The following HERC6 variants were observed in gnomAD, a reference collection of about 807,000 sequenced individuals.
The protein encoded by HERC6 is probable E3 ubiquitin-protein ligase HERC6.
A neutral mutation model predicts 114.5 loss-of-function variants in HERC6; 101 were observed. That is an observed-to-expected ratio of 0.88 (90% CI 0.75 to 1.04). HERC6 has a LOEUF of 1.04. Ranked by LOEUF, HERC6 falls within the 50% of genes least tolerant of loss-of-function variation. The pLI, the probability that HERC6 is intolerant of heterozygous loss-of-function variation, is 0.00. For missense variants in HERC6, 1,133 were observed against 1,230.9 expected, an observed-to-expected ratio of 0.92 and a Z score of 1.19; for synonymous variants, 408 against 436.2, an observed-to-expected ratio of 0.94 and a Z score of 0.81.
chr4:88,413,064 A>G lies in HERC6; in HGVS notation c.1369-13A>G, dbSNP rs371060724. The G allele has an allele frequency of 1.4e-5, 23 of 1,591,684 alleles. No individual in the cohort carries two copies. The highest frequency in any genetic ancestry group is 1.9e-5 in the Non-Finnish European group (22 of 1,169,540). On this transcript the variant is annotated splice_polypyrimidine_tract_variant and intron_variant, in intron 11 of 22. Transcript: ENST00000264346. ...TATCCTGGGTCTGTTCCCTGATCCT[A>G]TTTTTACCACAGATAACTACGTGTC...
chr4:88,437,083 G>T (rs1738835087), intron 19 of HERC6, 112 bp downstream of exon 19: 1 of 672,084 alleles, frequency 1.5e-6, no homozygotes, highest in Non-Finnish European at 2.4e-6. Flanking sequence ...TTGAGGCAGA[G>T]TCTCACTCTG....
At chr4:88,432,560 C>T (rs559616651) in intron 17 of HERC6, among the ~76,000 whole-genome samples, 1 of 151,956 alleles carries the variant, frequency 6.6e-6, no homozygotes, top group Non-Finnish European at 1.5e-5. Flanking sequence ...GAAACACTGT[C>T]TCTACTAAAA....
intron 3 of HERC6, among the ~76,000 whole-genome samples, chr4:88,390,216 A>G (rs1734831553): frequency 6.6e-6 from 1 of 151,062 alleles, no homozygotes; most frequent in African/African-American, 2.4e-5. Context: ...GTCAAACTCA[A>G]TAAAAACAGA....
chr4:88,412,148 T>C (rs568826618), intron 11 of HERC6, among the ~76,000 whole-genome samples: 1 of 151,970 alleles, frequency 6.6e-6, no homozygotes, highest in Non-Finnish European at 1.5e-5. Flanking sequence ...AAAACACAAA[T>C]AAAGCAAAAA....
rs532922465 is a variant in HERC6 at position 88,385,792 on chromosome 4, G to A, written c.436+217G>A. 2.9e-3 allele frequency among the ~76,000 whole-genome samples: 440 copies of A among 152,136 alleles called. 1 individual carries two copies. Among genetic ancestry groups the A allele is most frequent in the Middle Eastern group, 0.024 (7 of 294 alleles). ...ATAGTGCCATAAGGGGCTGTCTCTGGTTATTTGACCTAACTGGCCAACTCT... is the reference window on the plus strand; with the variant it reads ...ATAGTGCCATAAGGGGCTGTCTCTGATTATTTGACCTAACTGGCCAACTCT... On this transcript the variant is annotated intron_variant, in intron 3 of 22. Transcript: ENST00000264346.
At chr4:88,390,338 T>C (rs1734840101) in intron 3 of HERC6, among the ~76,000 whole-genome samples, 1 of 152,188 alleles carries the variant, frequency 6.6e-6, no homozygotes, top group Admixed American at 6.5e-5. Flanking sequence ...TACAGCCATG[T>C]GACTATATAG....
chr4:88,418,291 A>G (rs558326916), intron 13 of HERC6, among the ~76,000 whole-genome samples: 2 of 152,158 alleles, frequency 1.3e-5, no homozygotes, highest in Non-Finnish European at 2.9e-5. Context: ...GCACTTAGTC[A>G]ATGTATGTTG....
chr4:88,395,393 T>C (rs1462184995), intron 5 of HERC6, among the ~76,000 whole-genome samples: 1 of 152,168 alleles, frequency 6.6e-6, no homozygotes, highest in African/African-American at 2.4e-5. Flanking sequence ...TAAAGACTTA[T>C]TAAGTACCTA....
intron 20 of HERC6, among the ~76,000 whole-genome samples, chr4:88,439,480 G>C (rs140985062): frequency 2.4e-4 from 37 of 152,342 alleles, no homozygotes; most frequent in African/African-American, 7.9e-4. Context: ...CCCTTGCTGA[G>C]ACTGGCAAGG....
At chr4:88,380,440 C>T (rs1307477671) in intron 1 of HERC6, among the ~76,000 whole-genome samples, 5 of 121,106 alleles carry the variant, frequency 4.1e-5, no homozygotes, top group Admixed American at 3.6e-4. Flanking sequence ...CATAATAGGC[C>T]GGACGCGGTG....
Position 88,383,263 on chromosome 4 carries a change from G to T in HERC6, c.242G>T (p.Ser81Ile). The change falls in exon 2 of 23, where the codon AGC (serine) becomes ATC (isoleucine). Residue 81 changes from serine (S) to isoleucine (I), a missense_variant. By Grantham distance (142) the Ser-to-Ile change is moderately radical. Transcript: ENST00000264346. ...ALETLIVDLV[S>I]CGKEHSLAVC... The stretch of plus-strand genomic sequence containing the variant: ...GAAACCCTAATTGTTGATCTCGTGA[G>T]CTGCGGGAAGGAGCACTCCCTGGCT... 6.2e-7 allele frequency: 1 copy of T among 1,608,058 alleles called. No homozygotes were observed. Among genetic ancestry groups the T allele is most frequent in the Non-Finnish European group, 8.5e-7 (1 of 1,177,272 alleles).
At chr4:88,427,869 C>CA (rs1737784442) in intron 15 of HERC6, among the ~76,000 whole-genome samples, 1 of 152,154 alleles carries the variant, frequency 6.6e-6, no homozygotes, top group Non-Finnish European at 1.5e-5. Context: ...GCAAGGATAG[C>CA]AAGTCCAACA....
intron 1 of HERC6, 127 bp downstream of exon 1, chr4:88,379,247 G>A: frequency 2.7e-6 from 2 of 735,024 alleles, no homozygotes; most frequent in Non-Finnish European, 4.2e-6. Context: ...GGGCCCAGGT[G>A]CAGGGAGCGG....
intron 1 of HERC6, 175 bp from the exon 2 acceptor site, chr4:88,383,046 G>T: frequency 2.8e-6 from 2 of 705,118 alleles, no homozygotes. Flanking sequence ...AACATACATT[G>T]AATTTACTTC....
In HERC6 at chr4:88,423,887, GA is replaced by G; in HGVS notation, c.1745del (p.Asn582IlefsTer5). The G allele has an allele frequency of 6.4e-7, 1 of 1,560,342 alleles. No homozygotes were observed. Among genetic ancestry groups the G allele is most frequent in the Non-Finnish European group, 8.7e-7 (1 of 1,155,298 alleles). ...KVNKANCRLP[E>X]NTFNINELSN... Reference sequence around the variant, plus strand: ...AAACAAAGCTAACTGTCGACTACCAGAAAATACTTTCAACATAAATGAACTC... The same window carrying G: ...AAACAAAGCTAACTGTCGACTACCAGAAATACTTTCAACATAAATGAACTC... On this transcript the variant is annotated frameshift_variant, in exon 14 of 23. Transcript: ENST00000264346. LOFTEE classifies it high-confidence loss of function.
intron 8 of HERC6, among the ~76,000 whole-genome samples, chr4:88,401,964 G>A (rs939907488): frequency 6.6e-6 from 1 of 152,208 alleles, no homozygotes; most frequent in Non-Finnish European, 1.5e-5. Flanking sequence ...TTTAATTACA[G>A]ATGGAACTTT....
chr4:88,423,058 G>C (rs551292638), intron 13 of HERC6, among the ~76,000 whole-genome samples: 2 of 135,656 alleles, frequency 1.5e-5, no homozygotes, highest in South Asian at 4.6e-4. Flanking sequence ...CTTGATACTG[G>C]TTTTTTTTTT....
intron 2 of HERC6, 61 bp downstream of exon 2, chr4:88,383,441 T>C (rs1042427494): frequency 1.0e-5 from 13 of 1,284,736 alleles, no homozygotes; most frequent in Middle Eastern, 2.2e-4. Context: ...TGCCAGGCAC[T>C]GTGCAAGATG....
chr4:88,385,493 T>C lies in HERC6; in HGVS notation c.360-6T>C. On this transcript the variant is annotated splice_region_variant and splice_polypyrimidine_tract_variant and intron_variant, in intron 2 of 22. Transcript: ENST00000264346. ...ATTAATCAATTTTGTATTATTTGTA[T>C]TATAGGAAAATAATGACTCTGAATG... The C allele has an allele frequency of 2.3e-6, 3 of 1,323,000 alleles. No homozygotes were observed. The East Asian group carries it at 7.7e-5, about 34-fold the overall frequency. The allele number at this position is 1,323,000 out of a possible 1,614,324, so 82.0% of individuals were successfully genotyped here.
Sources: allele counts gnomAD v4.1 joint callset (sites outside exome capture counted in the v4.1 genomes callset), GRCh38; gene constraint gnomAD v4.1.1; transcripts MANE v1.5; gene names NCBI Gene and HGNC (gene_info 2026-07-23, HGNC 2026-07-21).